Variants in WDR7 observed in about 807,000 individuals in gnomAD.
The protein encoded by WDR7 is WD repeat-containing protein 7.
In WDR7, 46 loss-of-function variants were observed where a neutral mutation model predicts 169.4. That is an observed-to-expected ratio of 0.27 (90% confidence interval 0.21 to 0.35). The LOEUF (loss-of-function observed/expected upper bound fraction) is 0.35. Among genes scored for constraint, WDR7 ranks in the 10% least tolerant of loss-of-function variants. WDR7 has a pLI of 1.00. For synonymous variants in WDR7, 612 were observed against 666.8 expected (o/e 0.92, Z 1.27); for missense variants, 1,534 against 1,859.3 (o/e 0.83, Z 3.22).
intron 21 of WDR7, among the ~76,000 whole-genome samples, chr18:56,883,473 A>T (rs913541807): frequency 1.3e-5 from 2 of 151,540 alleles, no homozygotes; most frequent in Admixed American, 6.6e-5. Flanking sequence ...CAGTTTTTTT[A>T]AAAGTCCATT....
chr18:56,774,059 T>C (rs969895881), intron 16 of WDR7, among the ~76,000 whole-genome samples: 1 of 152,188 alleles, frequency 6.6e-6, no homozygotes, highest in East Asian at 1.9e-4. Context: ...CTTTAAAAAT[T>C]TTTTTCTCTG....
At chr18:56,820,150 A>G (rs1210071437) in intron 20 of WDR7, among the ~76,000 whole-genome samples, 1 of 151,798 alleles carries the variant, frequency 6.6e-6, no homozygotes, top group African/African-American at 2.4e-5. Context: ...ATCTAAAAAC[A>G]ACCTCACCTT....
At position 56,685,657 on chromosome 18, in the gene WDR7, G is replaced by A. The variant is rs2025429318; in HGVS notation, c.521-299G>A. On this transcript the variant is annotated intron_variant, in intron 5 of 27. Transcript: ENST00000254442. ...AATTAGAAGTTGTAAATTTTGAAGT[G>A]TATAAGTTCATTGTTAACATAGTAA... Among the ~76,000 whole-genome samples the A allele has an allele frequency of 1.3e-5, 2 of 152,100 alleles. 1 individual carries two copies. The highest frequency in any genetic ancestry group is 4.1e-4 in the South Asian group (2 of 4,826).
At chr18:56,953,758 T>G (rs1337965220) in intron 25 of WDR7, among the ~76,000 whole-genome samples, 2 of 152,248 alleles carry the variant, frequency 1.3e-5, no homozygotes, top group Non-Finnish European at 2.9e-5. Context: ...ACTGGTAGTA[T>G]TTTTAGCAGA....
At chr18:56,883,907 C>A (rs2046149882) in intron 21 of WDR7, among the ~76,000 whole-genome samples, 1 of 152,076 alleles carries the variant, frequency 6.6e-6, no homozygotes, top group African/African-American at 2.4e-5. Context: ...TTTATCCAGT[C>A]ATTGATTGAT....
intron 26 of WDR7, among the ~76,000 whole-genome samples, chr18:57,011,254 A>G (rs1036085066): frequency 2.5e-4 from 38 of 152,234 alleles, no homozygotes; most frequent in Admixed American, 2.6e-4. Context: ...AAGGATTGTC[A>G]ATATGTAGGT....
At chr18:57,033,243 G>A (rs1242445419), downstream of WDR7, 1 of 152,098 alleles carries the variant, frequency 6.6e-6, no homozygotes, top group South Asian at 2.1e-4. Context: ...AGGTGGTATT[G>A]TTAGGTTTCC....
intron 27 of WDR7, 102 bp downstream of exon 27, chr18:57,020,951 T>C: frequency 1.1e-6 from 1 of 946,248 alleles, no homozygotes; most frequent in Non-Finnish European, 1.7e-6. Flanking sequence ...CTTCCTGTCC[T>C]CCCTCCCTCC....
chr18:56,891,640 A>G (rs75797632), intron 21 of WDR7, among the ~76,000 whole-genome samples: 4 of 152,220 alleles, frequency 2.6e-5, no homozygotes, highest in African/African-American at 9.6e-5. Flanking sequence ...TTAAAAAATC[A>G]AGTAAATTCC....
At position 56,756,920 on chromosome 18, in the gene WDR7, G is replaced by T; in HGVS notation, c.2327G>T (p.Ser776Ile). Residue 776 changes from serine (S) to isoleucine (I), a missense_variant, in exon 15 of 28, where the codon AGT (serine) becomes ATT (isoleucine). Transcript: ENST00000254442. ...ATAATGAGGCAGAGAAGGGAAGAAA[G>T]TGATCCTGAATATCGGTCCAGCAAA... ...EEIMRQRREE[S>I]DPEYRSSKSK... The T allele has an allele frequency of 6.2e-7, 1 of 1,614,134 alleles. No individual in the cohort carries two copies.
intron 20 of WDR7, among the ~76,000 whole-genome samples, chr18:56,830,446 A>G (rs1029427115): frequency 3.9e-5 from 6 of 152,164 alleles, no homozygotes; most frequent in Non-Finnish European, 8.8e-5. Flanking sequence ...GAATTTATCA[A>G]TTGACTTAGG....
intron 12 of WDR7, among the ~76,000 whole-genome samples, chr18:56,711,053 C>T (rs2026075484): frequency 1.4e-5 from 2 of 147,414 alleles, no homozygotes; most frequent in South Asian, 2.2e-4. Flanking sequence ...TCTTTTTGTC[C>T]TTTGCTTTTT....
intron 3 of WDR7, 66 bp from the exon 4 acceptor site, chr18:56,681,247 C>G: frequency 9.4e-7 from 1 of 1,065,286 alleles, no homozygotes; most frequent in African/African-American, 1.7e-5. Context: ...TTTTAAATCA[C>G]TGTGACAAAG....
chr18:56,768,675 T>C (rs956322851), intron 16 of WDR7, among the ~76,000 whole-genome samples: 2 of 152,336 alleles, frequency 1.3e-5, no homozygotes, highest in Admixed American at 1.3e-4. Context: ...TGGCTTTTCT[T>C]AGCTTGGTTT....
chr18:56,767,224 AT>A (rs543662554), intron 16 of WDR7, among the ~76,000 whole-genome samples: 161 of 152,022 alleles, frequency 1.1e-3, no homozygotes, highest in Middle Eastern at 6.8e-3. Flanking sequence ...TCCTTTAGAT[AT>A]TTTCCCCCCA....
chr18:56,792,016 C>A (rs1443264022), intron 19 of WDR7, among the ~76,000 whole-genome samples: 1 of 150,962 alleles, frequency 6.6e-6, no homozygotes, highest in African/African-American at 2.4e-5. Context: ...AAGGGGTTTT[C>A]TTTTCTTTTT....
chr18:56,823,705 A>G (rs1442126889), intron 20 of WDR7, among the ~76,000 whole-genome samples: 1 of 152,210 alleles, frequency 6.6e-6, no homozygotes, highest in East Asian at 1.9e-4. Context: ...TGACATCTCA[A>G]ACTTGAAGTC....
Position 56,946,831 on chromosome 18 carries a change from T to G in WDR7, c.4064+7438T>G, listed in dbSNP as rs549616404. On this transcript the variant is annotated intron_variant, in intron 25 of 27. Transcript: ENST00000254442. The stretch of plus-strand genomic sequence containing the variant: ...TTTCTACAATAAAAAAGACATTTTT[T>G]GTATTAACTGAAATACTTTAGCTCT... 3.9e-5 allele frequency among the ~76,000 whole-genome samples: 6 copies of G among 152,374 alleles called. 1 individual carries two copies. In the South Asian group the frequency reaches 1.2e-3, roughly 32 times the overall value.
downstream of WDR7, chr18:57,032,818 T>C (rs1255347279): frequency 2.9e-3 from 242 of 83,010 alleles, 3 homozygotes; most frequent in African/African-American, 0.023. Flanking sequence ...TATATATATA[T>C]ATATATATAT....
Sources: allele counts gnomAD v4.1 joint callset (sites outside exome capture counted in the v4.1 genomes callset), GRCh38; gene constraint gnomAD v4.1.1; transcripts MANE v1.5; gene names NCBI Gene and HGNC (gene_info 2026-07-23, HGNC 2026-07-21).